DYNC1I1: variants seen among roughly 807,000 people sequenced by gnomAD.
DYNC1I1 encodes the protein cytoplasmic dynein 1 intermediate chain 1.
Under a neutral mutation model 86.6 loss-of-function variants are expected in DYNC1I1, and 43 were observed. That is an observed-to-expected ratio of 0.50 (90% CI 0.39 to 0.64). DYNC1I1 has a LOEUF of 0.64. Ranked by LOEUF, DYNC1I1 falls within the 30% of genes least tolerant of loss-of-function variation. The pLI, the probability that DYNC1I1 is intolerant of heterozygous loss-of-function variation, is 0.00. For missense variants in DYNC1I1, 604 were observed against 788.8 expected (o/e 0.77, Z 2.81); for synonymous variants, 262 against 283.7 (o/e 0.92, Z 0.77).
At chr7:95,801,243 A>G (rs1794570953) in intron 1 of DYNC1I1, among the ~76,000 whole-genome samples, 1 of 152,124 alleles carries the variant, frequency 6.6e-6, no homozygotes, top group Non-Finnish European at 1.5e-5. Context: ...ATCTTTTTTT[A>G]AGTTCCCTCA....
rs1791075765 is a variant in DYNC1I1 at position 96,098,346 on chromosome 7, A to G, written c.*753A>G. ...ATATCATTGACCACTAATACTTCTC[A>G]CTGAAGCTAACACAGTCTGACAAAA... On this transcript the variant is annotated 3_prime_UTR_variant, in exon 17 of 17. Coordinates refer to ENST00000447467, the MANE Select transcript of DYNC1I1 (RefSeq NM_001135556.2). 1.0e-6 allele frequency: 1 copy of G among 985,620 alleles called. No homozygotes were observed. Among genetic ancestry groups the G allele is most frequent in the African/African-American group, 1.7e-5 (1 of 57,254 alleles). The allele number at this position is 985,620 out of a possible 1,614,324, so 61.1% of individuals were successfully genotyped here. A position where few individuals can be genotyped will look rare whatever the true frequency, so the allele number is the denominator to read the frequency against.
chr7:95,887,888 T>C (rs113884227), intron 6 of DYNC1I1, among the ~76,000 whole-genome samples: 1 of 152,272 alleles, frequency 6.6e-6, no homozygotes, highest in East Asian at 1.9e-4. Flanking sequence ...ACTCTCAAAG[T>C]TACCCATCTA....
intron 1 of DYNC1I1, among the ~76,000 whole-genome samples, chr7:95,798,176 C>A (rs1794490182): frequency 6.6e-6 from 1 of 152,146 alleles, no homozygotes; most frequent in Admixed American, 6.5e-5. Context: ...GAGAACTGCT[C>A]TTCTGTGGTA....
intron 4 of DYNC1I1, among the ~76,000 whole-genome samples, chr7:95,814,987 T>TGGG (rs4014677): frequency 2.6e-5 from 4 of 151,372 alleles, no homozygotes; most frequent in East Asian, 1.9e-4. Flanking sequence ...TCACATTTCT[T>TGGG]GGGGGGGGTC....
At chr7:95,815,278 G>C (rs943331428) in intron 4 of DYNC1I1, among the ~76,000 whole-genome samples, 1 of 152,092 alleles carries the variant, frequency 6.6e-6, no homozygotes. Flanking sequence ...AAGAGGTGCA[G>C]CTTACTCCTA....
At chr7:95,940,086 G>C (rs1213006877) in intron 6 of DYNC1I1, among the ~76,000 whole-genome samples, 1 of 152,096 alleles carries the variant, frequency 6.6e-6, no homozygotes, top group Non-Finnish European at 1.5e-5. Flanking sequence ...TGAAATTCTG[G>C]GTTGAAAATT....
chr7:96,030,560 T>G (rs541756891), intron 11 of DYNC1I1, among the ~76,000 whole-genome samples: 1 of 152,224 alleles, frequency 6.6e-6, no homozygotes, highest in Admixed American at 6.5e-5. Flanking sequence ...TTTCTTTCTC[T>G]GCTGGACCTT....
At chr7:95,938,741 G>A (rs1355395499) in intron 6 of DYNC1I1, among the ~76,000 whole-genome samples, 2 of 152,164 alleles carry the variant, frequency 1.3e-5, no homozygotes, top group African/African-American at 4.8e-5. Context: ...AGTGCTAATG[G>A]TGGTGATTGG....
chr7:96,110,120 G>A (rs1210441962), downstream of DYNC1I1: 7 of 436,262 alleles, frequency 1.6e-5, no homozygotes, highest in Non-Finnish European at 3.2e-5. Context: ...ACTGAGAGAT[G>A]AGTACCAAAA....
At chr7:96,039,932 A>G (rs562068633) in intron 14 of DYNC1I1, among the ~76,000 whole-genome samples, 2 of 152,024 alleles carry the variant, frequency 1.3e-5, no homozygotes, top group South Asian at 4.2e-4. Context: ...GCCCTATGTT[A>G]TGTTTTTAAA....
intron 2 of DYNC1I1, among the ~76,000 whole-genome samples, chr7:95,807,373 G>A (rs1394679326): frequency 6.6e-6 from 1 of 152,106 alleles, no homozygotes; most frequent in Admixed American, 6.6e-5. Flanking sequence ...GGAGTCTGGA[G>A]TTAAAAGGGG....
intron 14 of DYNC1I1, among the ~76,000 whole-genome samples, chr7:96,066,165 A>G (rs1789978997): frequency 6.6e-6 from 1 of 152,130 alleles, no homozygotes; most frequent in Admixed American, 6.5e-5. Context: ...TCTCATCTTT[A>G]TATCCGTCTG....
chr7:96,035,639 C>T lies in DYNC1I1; in HGVS notation c.1251C>T (p.Tyr417=), dbSNP rs1234191974. ...GGTAGGAGAGCATGGAGCTGGTGTA[C>T]AATAAGTCCAAGCCTGTCGCTGTTA... ...STPQESMELV[Y]NKSKPVAVTG... is the part of the protein sequence containing the mutation. Residue 417 remains tyrosine (Y), a synonymous_variant, in exon 13 of 17, where the codon TAC becomes TAT. Coordinates refer to ENST00000447467, the MANE Select transcript of DYNC1I1 (RefSeq NM_001135556.2). 4.4e-6 allele frequency: 7 copies of T among 1,603,446 alleles called. No individual in the cohort carries two copies. Among genetic ancestry groups the T allele is most frequent in the Non-Finnish European group, 5.1e-6 (6 of 1,176,382 alleles).
At chr7:95,940,706 C>G (rs191010695) in intron 6 of DYNC1I1, among the ~76,000 whole-genome samples, 1 of 152,138 alleles carries the variant, frequency 6.6e-6, no homozygotes. Flanking sequence ...TCGTCTAAAT[C>G]TTTTTCAAAG....
intron 14 of DYNC1I1, among the ~76,000 whole-genome samples, chr7:96,039,977 T>C (rs1224586829): frequency 6.6e-6 from 1 of 152,126 alleles, no homozygotes; most frequent in African/African-American, 2.4e-5. Context: ...CTCACATCTG[T>C]AATCCCAGCA....
intron 3 of DYNC1I1, 196 bp from the exon 4 acceptor site, chr7:95,813,051 C>T (rs1387182898): frequency 1.6e-6 from 2 of 1,223,628 alleles, no homozygotes. Flanking sequence ...ATTTTAATTT[C>T]CAAAATACAA....
At chr7:95,975,926 G>A (rs989017624) in intron 6 of DYNC1I1, among the ~76,000 whole-genome samples, 6 of 152,164 alleles carry the variant, frequency 3.9e-5, no homozygotes, top group African/African-American at 1.4e-4. Flanking sequence ...ACGTCATGTC[G>A]AGATGGATAT....
intron 6 of DYNC1I1, among the ~76,000 whole-genome samples, chr7:95,879,610 C>G (rs796456670): frequency 6.6e-6 from 1 of 151,894 alleles, no homozygotes; most frequent in Non-Finnish European, 1.5e-5. Flanking sequence ...GTCAAAGACA[C>G]GGAAATGAGG....
intron 6 of DYNC1I1, among the ~76,000 whole-genome samples, chr7:95,935,698 A>T (rs1230418626): frequency 6.6e-6 from 1 of 152,104 alleles, no homozygotes; most frequent in African/African-American, 2.4e-5. Context: ...GCAAACCATA[A>T]ATCTGATAAG....
Sources: allele counts gnomAD v4.1 joint callset (sites outside exome capture counted in the v4.1 genomes callset), GRCh38; gene constraint gnomAD v4.1.1; transcripts MANE v1.5; gene names NCBI Gene and HGNC (gene_info 2026-07-23, HGNC 2026-07-21).